GJC1: variants seen among roughly 807,000 people sequenced by gnomAD.
The protein encoded by GJC1 is gap junction gamma-1 protein.
In GJC1, 5 loss-of-function variants were observed where a neutral mutation model predicts 29.3. The ratio of observed to expected loss-of-function variants is 0.17; its 90% confidence interval spans 0.09 to 0.36. The LOEUF is 0.36. Among genes scored for constraint, GJC1 ranks in the 10% least tolerant of loss-of-function variants. The pLI is 1.00. For synonymous variants in GJC1, 177 were observed against 183.3 expected, an observed-to-expected ratio of 0.97 and a Z score of 0.28; for missense variants, 310 against 496.2, an observed-to-expected ratio of 0.62 and a Z score of 3.56.
rs147188720 is a variant in GJC1, at chr17:44,805,506, G to A, written c.312C>T (p.His104=). 1.7e-5 allele frequency: 28 copies of A among 1,613,996 alleles called. No individual in the cohort carries two copies. The highest frequency in any genetic ancestry group is 1.5e-4 in the African/African-American group (11 of 74,892). The change falls in exon 3 of 3, where the codon CAC becomes CAT. Residue 104 remains histidine, a synonymous_variant. Transcript: ENST00000592524. This position sits in a 1 kb window ranked among gnomAD's most constrained non-coding sequence, Gnocchi z 5.1. ...GAGCTGCCTTCTTGTCTGCTTCACCGTGCTCCATTTTGGCAATCTTGTGGA... is the reference window on the plus strand; with the variant it reads ...GAGCTGCCTTCTTGTCTGCTTCACCATGCTCCATTTTGGCAATCTTGTGGA... The part of the protein sequence containing the change: ...YAIHKIAKME[H]GEADKKAARS...
chr17:44,805,206 G>A lies in GJC1; in HGVS notation c.612C>T (p.His204=), dbSNP rs1179129892. The change falls in exon 3 of 3, where the codon CAC becomes CAT. Residue 204 remains histidine (H), a synonymous_variant. Transcript: ENST00000592524. This position sits in a 1 kb window ranked among gnomAD's most constrained non-coding sequence, Gnocchi z 5.1. ...GAAGTCTGCTGCACACATAAAACGGGTGGACTTGGAAGCCATACAGAAAAT... is the reference window on the plus strand; with the variant it reads ...GAAGTCTGCTGCACACATAAAACGGATGGACTTGGAAGCCATACAGAAAAT... ...GQYFLYGFQV[H]PFYVCSRLPC... 17 of 1,613,970 alleles carry A rather than the reference G, an allele frequency of 1.1e-5. No homozygotes were observed. The highest frequency in any genetic ancestry group is 1.4e-5 in the Non-Finnish European group (17 of 1,180,032).
chr17:44,806,401 G>GTTTTTTTTTTTTTT (rs35152035), intron 2 of GJC1, among the ~76,000 whole-genome samples: 1 of 122,136 alleles, frequency 8.2e-6, no homozygotes, highest in African/African-American at 3.0e-5. Context: ...TCTTCTGTTT[G>GTTTTTTTTTTTTTT]TTTTTTTTTT....
chr17:44,825,933 T>C (rs866571452), intron 1 of GJC1, among the ~76,000 whole-genome samples: 17 of 152,274 alleles, frequency 1.1e-4, no homozygotes, highest in South Asian at 2.1e-4. Flanking sequence ...TCTTTCTTTT[T>C]ATTTTGAGAC....
At chr17:44,798,080 T>C (rs1295275757), downstream of GJC1, among the ~76,000 whole-genome samples, 1 of 152,176 alleles carries the variant, frequency 6.6e-6, no homozygotes, top group Non-Finnish European at 1.5e-5. Context: ...AAGGGTGCAT[T>C]CCCAGCTTTT....
At chr17:44,811,282 T>C (rs1029175334) in intron 1 of GJC1, among the ~76,000 whole-genome samples, 1 of 151,798 alleles carries the variant, frequency 6.6e-6, no homozygotes, top group African/African-American at 2.4e-5. Flanking sequence ...GGTTTCACCA[T>C]GTTGGTCAGG....
At chr17:44,817,119 T>C (rs911360810) in intron 1 of GJC1, among the ~76,000 whole-genome samples, 2 of 151,174 alleles carry the variant, frequency 1.3e-5, no homozygotes, top group African/African-American at 2.4e-5. Context: ...TGAGACAGAA[T>C]TGCTTGAACC....
intron 1 of GJC1, among the ~76,000 whole-genome samples, chr17:44,828,850 G>A (rs929685870): frequency 2.6e-5 from 4 of 151,958 alleles, no homozygotes; most frequent in Non-Finnish European, 5.9e-5. Context: ...TCTCTAGGGA[G>A]AGAAATATTT....
intron 1 of GJC1, among the ~76,000 whole-genome samples, chr17:44,811,165 T>TCCG (rs1207400505): frequency 1.3e-5 from 2 of 151,954 alleles, no homozygotes; most frequent in South Asian, 2.1e-4. Context: ...CACTGCAACC[T>TCCG]CCGCCTCCTG....
chr17:44,811,742 G>A (rs1030086725), intron 1 of GJC1, among the ~76,000 whole-genome samples: 59 of 152,136 alleles, frequency 3.9e-4, no homozygotes, highest in African/African-American at 1.3e-3. Context: ...GGTGGCTCAC[G>A]CCTGTAATCC....
chr17:44,815,547 A>G (rs1296210326), intron 1 of GJC1, among the ~76,000 whole-genome samples: 1 of 152,160 alleles, frequency 6.6e-6, no homozygotes, highest in Non-Finnish European at 1.5e-5. Flanking sequence ...CCTCTTCAGC[A>G]CTGTCATTAT....
At chr17:44,821,724 AACAAC>A (rs1567714277) in intron 1 of GJC1, among the ~76,000 whole-genome samples, 8 of 129,824 alleles carry the variant, frequency 6.2e-5, no homozygotes, top group African/African-American at 2.4e-4. Flanking sequence ...AAAAAAAAAA[AACAAC>A]AAAAAAACAC....
rs2145288191 is a variant in GJC1, at chr17:44,801,147, T to G, written c.*3480A>C. On this transcript the variant is annotated 3_prime_UTR_variant, in exon 3 of 3. Coordinates refer to ENST00000592524, the MANE Select transcript of GJC1 (RefSeq NM_005497.4). ...AAATACAAAAAAAATCAGCCTGGTA[T>G]GGTGGTGGTGCCTGTAATCCCAGCT... The G allele has an allele frequency of 6.6e-6, 1 of 152,102 alleles. No homozygotes were observed. The allele number at this position is 152,102 out of a possible 1,614,324, so 9.4% of individuals were successfully genotyped here.
At chr17:44,813,555 C>T (rs1452918545) in intron 1 of GJC1, among the ~76,000 whole-genome samples, 1 of 141,536 alleles carries the variant, frequency 7.1e-6, no homozygotes, top group Non-Finnish European at 1.5e-5. Context: ...TGCAGTACCA[C>T]GATCTCAACT....
chr17:44,795,694 A>T (rs1271564167), downstream of GJC1, among the ~76,000 whole-genome samples: 2 of 152,226 alleles, frequency 1.3e-5, no homozygotes, highest in African/African-American at 2.4e-5. Flanking sequence ...ACCCCAAGAC[A>T]GTGTCCAGGG....
At chr17:44,795,876 G>C (rs1378766552), downstream of GJC1, among the ~76,000 whole-genome samples, 1 of 152,246 alleles carries the variant, frequency 6.6e-6, no homozygotes, top group African/African-American at 2.4e-5. Flanking sequence ...TAATGTACTG[G>C]AAGAATCGGA....
At chr17:44,830,682 C>A, upstream of GJC1, 2 of 398,622 alleles carry the variant, frequency 5.0e-6, no homozygotes, top group Middle Eastern at 6.3e-4. This position sits in a 1 kb window ranked among gnomAD's most constrained non-coding sequence, Gnocchi z 4.3. Flanking sequence ...TTGTCTTCTG[C>A]GCGCTCCGCC....
rs1178874485 is a variant in GJC1, at chr17:44,819,699, TAAATAAA to T, written c.-97+10356_-97+10362del. Among the ~76,000 whole-genome samples, 50 of 131,440 alleles carry T rather than the reference TAAATAAA, an allele frequency of 3.8e-4. No individual in the cohort carries two copies. In the East Asian group the frequency reaches 7.0e-3, roughly 18 times the overall value. 86.2% of individuals were successfully genotyped at this position (131,440 alleles called of 152,430 possible). Reference sequence around the variant, plus strand: ...ATAAATAAATAAATAAATAAATAAATAAATAAAAAGAATTTCCTTCCTTTTTAAGGCT... The same window carrying T: ...ATAAATAAATAAATAAATAAATAAATAAGAATTTCCTTCCTTTTTAAGGCT... On this transcript the variant is annotated intron_variant, in intron 1 of 2. Coordinates refer to ENST00000592524, the MANE Select transcript of GJC1 (RefSeq NM_005497.4).
At chr17:44,825,594 G>A (rs2050164494) in intron 1 of GJC1, among the ~76,000 whole-genome samples, 1 of 151,906 alleles carries the variant, frequency 6.6e-6, no homozygotes, top group Admixed American at 6.6e-5. Flanking sequence ...AGCCAACATG[G>A]TGAAACCCTT....
chr17:44,816,986 G>A (rs1207396701), intron 1 of GJC1, among the ~76,000 whole-genome samples: 2 of 151,842 alleles, frequency 1.3e-5, no homozygotes, highest in Non-Finnish European at 2.9e-5. Context: ...CAAGGCGGGC[G>A]GATCACCTGA....
Sources: allele counts gnomAD v4.1 joint callset (sites outside exome capture counted in the v4.1 genomes callset), GRCh38; gene constraint gnomAD v4.1.1; non-coding constraint Gnocchi (gnomAD v3.1); transcripts MANE v1.5; gene names NCBI Gene and HGNC (gene_info 2026-07-23, HGNC 2026-07-21).